The following COQ5 variants were observed in gnomAD, a reference collection of about 807,000 sequenced individuals.
The protein encoded by COQ5 is coenzyme Q5, methyltransferase.
In COQ5, 27 loss-of-function variants were observed where a neutral mutation model predicts 40.5. The observed-to-expected ratio is 0.67, with a 90% CI of 0.49 to 0.92. The LOEUF is 0.92. COQ5 is among the 40% of genes least tolerant of loss of function. The pLI is 0.00. For synonymous variants in COQ5, 141 were observed against 150.0 expected (o/e 0.94, Z 0.44); for missense variants, 409 against 406.4 (o/e 1.01, Z -0.06).
chr12:120,516,106 G>A (rs1404568663), intron 3 of COQ5, among the ~76,000 whole-genome samples: 1 of 152,124 alleles, frequency 6.6e-6, no homozygotes, highest in African/African-American at 2.4e-5. Flanking sequence ...TTTCTTTACA[G>A]GAGATGAGAG....
chr12:120,520,357 G>A lies in COQ5; in HGVS notation c.352+1857C>T, dbSNP rs930044478. On this transcript the variant is annotated intron_variant, in intron 2 of 6. Transcript: ENST00000288532. ...TTTTTTTTTTTTGAGACAGAGTCTC[G>A]CTCTGTTGCCCAGGCTGGAGTGTGG... Among the ~76,000 whole-genome samples the A allele has an allele frequency of 6.7e-5, 10 of 149,436 alleles. No individual in the cohort carries two copies. The East Asian group carries it at 2.0e-3, about 29-fold the overall frequency.
rs985905450 is a variant in COQ5, at chr12:120,513,602, G to A, written c.574+2965C>T. Reference sequence around the variant, plus strand: ...CCAGTCTGTAGTGTAGTGGTGCGACGTCCACCTCCTGGGTTCAAGAGATTC... The same window carrying A: ...CCAGTCTGTAGTGTAGTGGTGCGACATCCACCTCCTGGGTTCAAGAGATTC... On this transcript the variant is annotated intron_variant, in intron 3 of 6. Transcript: ENST00000288532. Among the ~76,000 whole-genome samples, 8 of 149,154 alleles carry A rather than the reference G, an allele frequency of 5.4e-5. 1 individual carries two copies. The Admixed American group carries it at 5.4e-4, about 10-fold the overall frequency.
chr12:120,515,162 G>A (rs1429489643), intron 3 of COQ5, among the ~76,000 whole-genome samples: 1 of 152,022 alleles, frequency 6.6e-6, no homozygotes, highest in Admixed American at 6.6e-5. Flanking sequence ...CATGATCATG[G>A]CTCACTGCAG....
chr12:120,503,605 G>C lies in COQ5; in HGVS notation c.*179C>G, dbSNP rs1017207661. On this transcript the variant is annotated 3_prime_UTR_variant, in exon 7 of 7. Coordinates refer to ENST00000288532, the MANE Select transcript of COQ5 (RefSeq NM_032314.4). Reference sequence around the variant, plus strand: ...ATGGACTGAAGCAGCTCCAAAGAAAGCTGTAAAAAAGTGACAAGAATTTGT... The same window carrying C: ...ATGGACTGAAGCAGCTCCAAAGAAACCTGTAAAAAAGTGACAAGAATTTGT... 1.3e-5 allele frequency: 9 copies of C among 694,870 alleles called. No homozygotes were observed. In the African/African-American group the frequency reaches 1.4e-4, roughly 11 times the overall value. The allele number at this position is 694,870 out of a possible 1,614,324, so 43.0% of individuals were successfully genotyped here.
intron 1 of COQ5, among the ~76,000 whole-genome samples, chr12:120,525,798 G>A (rs1430387231): frequency 5.3e-5 from 8 of 151,880 alleles, no homozygotes; most frequent in Non-Finnish European, 7.4e-5. Flanking sequence ...GGTGGTGGGC[G>A]CCTGTAGTCC....
Position 120,510,000 on chromosome 12 carries a change from G to T in COQ5, c.681+17C>A, listed in dbSNP as rs746887381. ...TTTCCTGAGAGTCATACAAGCTGAG[G>T]ATGCAGCCATTCATACCTGATCAAT... On this transcript the variant is annotated intron_variant, in intron 4 of 6. Transcript: ENST00000288532. 78 of 1,568,324 alleles carry T rather than the reference G, an allele frequency of 5.0e-5. No homozygotes were observed. Among genetic ancestry groups the T allele is most frequent in the East Asian group, 1.8e-4 (8 of 44,660 alleles).
chr12:120,516,129 A>G (rs1335285292), intron 3 of COQ5, among the ~76,000 whole-genome samples: 1 of 152,178 alleles, frequency 6.6e-6, no homozygotes, highest in Non-Finnish European at 1.5e-5. Flanking sequence ...CCAGTTGCAC[A>G]GCAATCAAAC....
intron 1 of COQ5, among the ~76,000 whole-genome samples, chr12:120,525,275 T>C (rs1164811222): frequency 7.2e-5 from 11 of 152,068 alleles, no homozygotes; most frequent in Admixed American, 5.9e-4. Flanking sequence ...AATTTTTGTA[T>C]TTTTAGTAGA....
At chr12:120,524,901 C>G (rs1365277962) in intron 1 of COQ5, among the ~76,000 whole-genome samples, 1 of 151,842 alleles carries the variant, frequency 6.6e-6, no homozygotes, top group African/African-American at 2.4e-5. Context: ...TCACTGTAAC[C>G]TCCGCCTCCC....
intron 5 of COQ5, 134 bp downstream of exon 5, chr12:120,504,756 TTGTCA>T: frequency 1.3e-6 from 1 of 748,652 alleles, no homozygotes; most frequent in Non-Finnish European, 2.4e-6. Flanking sequence ...GGCCTAGGTA[TTGTCA>T]TTCAGAACTG....
At chr12:120,522,538 ATTT>A (rs1334447716) in intron 1 of COQ5, 175 bp from the exon 2 acceptor site, 2 of 634,714 alleles carry the variant, frequency 3.2e-6, no homozygotes, top group Non-Finnish European at 5.5e-6. Context: ...TTATTGATTT[ATTT>A]TTTTTTCCTG....
At chr12:120,523,316 C>T in intron 1 of COQ5, 1 of 275,570 alleles carries the variant, frequency 3.6e-6, no homozygotes, top group Non-Finnish European at 7.1e-6. Context: ...CCGCCTGGGC[C>T]ACAGAGCGAG....
intron 1 of COQ5, chr12:120,522,758 C>T (rs998762454): frequency 1.4e-5 from 9 of 655,642 alleles, no homozygotes; most frequent in Middle Eastern, 4.3e-4. Flanking sequence ...GGCCTTTGAC[C>T]GACATAGCTT....
At chr12:120,513,187 AAC>A (rs1273777342) in intron 3 of COQ5, among the ~76,000 whole-genome samples, 1 of 148,808 alleles carries the variant, frequency 6.7e-6, no homozygotes. Flanking sequence ...TAAAACACAT[AAC>A]CATGCTATAC....
chr12:120,504,572 TAAGCCAG>T, intron 5 of COQ5: 1 of 341,996 alleles, frequency 2.9e-6, no homozygotes, highest in Non-Finnish European at 5.6e-6. Flanking sequence ...TTTTTTTTTT[TAAGCCAG>T]TCAAATTTAT....
rs989792269 is a variant in COQ5, at chr12:120,523,121, G to A, written c.203-758C>T. 5.7e-5 allele frequency: 17 copies of A among 297,042 alleles called. 1 individual carries two copies. Among genetic ancestry groups the A allele is most frequent in the South Asian group, 1.1e-4 (1 of 9,192 alleles). 18.4% of individuals were successfully genotyped at this position (297,042 alleles called of 1,614,324 possible). A position where few individuals can be genotyped will look rare whatever the true frequency, so the allele number is the denominator to read the frequency against. Reference sequence around the variant, plus strand: ...TGGGAGGCTGAGGCGGGCGGATCACGAGGTCAGGAGATCGAGACCATCCTG... The same window carrying A: ...TGGGAGGCTGAGGCGGGCGGATCACAAGGTCAGGAGATCGAGACCATCCTG... On this transcript the variant is annotated intron_variant, in intron 1 of 6. Coordinates refer to ENST00000288532, the MANE Select transcript of COQ5 (RefSeq NM_032314.4).
chr12:120,527,622 GTTAAC>G (rs1468925521), intron 1 of COQ5, among the ~76,000 whole-genome samples: 11 of 152,108 alleles, frequency 7.2e-5, no homozygotes, highest in Admixed American at 7.2e-4. Flanking sequence ...TAGTTCAGTA[GTTAAC>G]TTCTTCCTTG....
intron 1 of COQ5, chr12:120,523,047 G>T (rs1869752122): frequency 4.4e-6 from 2 of 453,848 alleles, no homozygotes; most frequent in African/African-American, 2.0e-5. Context: ...AAAAAAAAGA[G>T]ATTCTTATCG....
chr12:120,519,103 T>A (rs905195539), intron 2 of COQ5, among the ~76,000 whole-genome samples: 2 of 152,230 alleles, frequency 1.3e-5, no homozygotes, highest in African/African-American at 2.4e-5. Flanking sequence ...TTGTTTTAAA[T>A]AGATAAACAA....
Sources: allele counts gnomAD v4.1 joint callset (sites outside exome capture counted in the v4.1 genomes callset), GRCh38; gene constraint gnomAD v4.1.1; transcripts MANE v1.5; gene names NCBI Gene and HGNC (gene_info 2026-07-23, HGNC 2026-07-21).